SEM1: variants seen among roughly 807,000 people sequenced by gnomAD.
SEM1 encodes 26S proteasome complex subunit SEM1.
In SEM1, 3 loss-of-function variants were observed where a neutral mutation model predicts 12.7. That is an observed-to-expected ratio of 0.24 (90% CI 0.11 to 0.61). The LOEUF (loss-of-function observed/expected upper bound fraction) is 0.61. SEM1 is among the 20% of genes least tolerant of loss of function. The probability of loss-of-function intolerance (pLI) is 0.88; values close to 1 mark genes in which losing one functional copy is unlikely to be tolerated. For missense variants in SEM1, 59 were observed against 81.3 expected (o/e 0.73, Z 1.06); for synonymous variants, 30 against 27.8 (o/e 1.08, Z -0.25).
At chr7:96,624,146 A>G (rs961030887) in intron 2 of SEM1, among the ~76,000 whole-genome samples, 8 of 152,212 alleles carry the variant, frequency 5.3e-5, no homozygotes, top group Non-Finnish European at 8.8e-5. Context: ...GGGCATGGCT[A>G]TATGTTTTTG....
At chr7:96,678,266 A>C (rs935809803) in intron 2 of SEM1, among the ~76,000 whole-genome samples, 3 of 152,104 alleles carry the variant, frequency 2.0e-5, no homozygotes, top group Non-Finnish European at 2.9e-5. Flanking sequence ...CTTTGAGGTT[A>C]TTTCTTCATC....
chr7:96,658,048 C>T (rs78951810), intron 2 of SEM1, among the ~76,000 whole-genome samples: 2,404 of 152,242 alleles, frequency 0.016, 29 homozygotes, highest in Middle Eastern at 0.027. Context: ...GACGCAGCCA[C>T]CTTTAATGAT....
chr7:96,542,126 A>G (rs1360829567), intron 2 of SEM1, among the ~76,000 whole-genome samples: 1 of 151,320 alleles, frequency 6.6e-6, no homozygotes, highest in Non-Finnish European at 1.5e-5. Flanking sequence ...TTTTTTTTCT[A>G]ATTATGTGAA....
rs79492227 is a variant in SEM1 at position 96,492,759 on chromosome 7, A to G, written c.12+3525T>C. Among the ~76,000 whole-genome samples the G allele has an allele frequency of 8.5e-3, 1,214 of 142,990 alleles. 13 individuals carry two copies. Among genetic ancestry groups the G allele is most frequent in the African/African-American group, 0.031 (1,168 of 37,504 alleles). The allele number at this position is 142,990 out of a possible 152,430, so 93.8% of individuals were successfully genotyped here. A position where few individuals can be genotyped will look rare whatever the true frequency, so the allele number is the denominator to read the frequency against. ...TCCATTTTAAGGGTGAATAATATTC[A>G]TGTGTGTGTGTGTGTGTGTGTGTGT... On this transcript the variant is annotated intron_variant, in intron 1 of 3. Transcript: ENST00000356686.
intron 2 of SEM1, among the ~76,000 whole-genome samples, chr7:96,663,742 C>T (rs571949551): frequency 2.6e-4 from 40 of 152,272 alleles, no homozygotes; most frequent in South Asian, 1.7e-3. Flanking sequence ...AAAACAACCA[C>T]AGACTTGAAG....
chr7:96,598,026 T>C (rs1476207903), intron 2 of SEM1, among the ~76,000 whole-genome samples: 1 of 152,200 alleles, frequency 6.6e-6, no homozygotes, highest in Non-Finnish European at 1.5e-5. Context: ...CTCAGTCATT[T>C]TCATAGCTGC....
chr7:96,609,627 A>G (rs573486079), intron 2 of SEM1, among the ~76,000 whole-genome samples: 25 of 152,298 alleles, frequency 1.6e-4, no homozygotes, highest in African/African-American at 5.5e-4. Context: ...ATTATGATAC[A>G]GCATTTGACC....
chr7:96,708,109 T>C (rs1790526005), intron 1 of SEM1: 1 of 152,228 alleles, frequency 6.6e-6, no homozygotes, highest in South Asian at 2.1e-4. Context: ...TGAAGAATGC[T>C]ATTTGAAGTA....
At chr7:96,603,428 TGTCA>T (rs1807250909) in intron 2 of SEM1, among the ~76,000 whole-genome samples, 1 of 152,318 alleles carries the variant, frequency 6.6e-6, no homozygotes, top group Non-Finnish European at 1.5e-5. Context: ...AAGATGTGGC[TGTCA>T]GTCAGGACCT....
At chr7:96,683,604 C>G (rs1183634901) in intron 2 of SEM1, among the ~76,000 whole-genome samples, 1 of 152,136 alleles carries the variant, frequency 6.6e-6, no homozygotes, top group African/African-American at 2.4e-5. Flanking sequence ...CAGCACTGTT[C>G]ACAACAGCAA....
At chr7:96,647,358 A>G (rs1808827615) in intron 2 of SEM1, 1 of 152,244 alleles carries the variant, frequency 6.6e-6, no homozygotes, top group South Asian at 2.1e-4. Context: ...AATCTTAGCT[A>G]TAATTATTAT....
exon 3 of SEM1, chr7:96,673,663 T>A: frequency 1.4e-6 from 1 of 704,820 alleles, no homozygotes; most frequent in South Asian, 1.5e-5. Flanking sequence ...CATGCACATA[T>A]CCACATGACT....
intron 2 of SEM1, among the ~76,000 whole-genome samples, chr7:96,529,477 A>G (rs1804574898): frequency 6.6e-6 from 1 of 152,080 alleles, no homozygotes; most frequent in South Asian, 2.1e-4. Context: ...TCTAATTTTC[A>G]TCTCAAACTA....
intron 2 of SEM1, among the ~76,000 whole-genome samples, chr7:96,589,931 A>C (rs1399776042): frequency 1.3e-5 from 2 of 152,180 alleles, no homozygotes; most frequent in East Asian, 3.9e-4. Flanking sequence ...AAAATAACAA[A>C]TGCTAATTCA....
intron 2 of SEM1, among the ~76,000 whole-genome samples, chr7:96,552,804 C>T (rs1220054931): frequency 2.0e-5 from 3 of 151,918 alleles, no homozygotes; most frequent in Non-Finnish European, 1.5e-5. Flanking sequence ...AGTTTACAGT[C>T]CCACCAACAG....
downstream of SEM1, among the ~76,000 whole-genome samples, chr7:96,685,410 A>G (rs1269214238): frequency 1.3e-5 from 2 of 152,076 alleles, no homozygotes; most frequent in African/African-American, 4.8e-5. Flanking sequence ...AAAAACTTCT[A>G]CCATGGAGTA....
intron 1 of SEM1, among the ~76,000 whole-genome samples, chr7:96,702,074 G>A (rs1331572174): frequency 6.6e-6 from 1 of 152,106 alleles, no homozygotes; most frequent in Non-Finnish European, 1.5e-5. Flanking sequence ...GTTGGGGGCA[G>A]CAAAGATTGG....
In SEM1 at chr7:96,501,514, T is replaced by A. The variant is rs190037489; in HGVS notation, c.*60+5109A>T. Among the ~76,000 whole-genome samples the A allele has an allele frequency of 1.8e-4, 27 of 152,242 alleles. 1 individual carries two copies. Among genetic ancestry groups the A allele is most frequent in the African/African-American group, 6.5e-4 (27 of 41,566 alleles). ...TAATGAAGATTGTTCCACAAAGTTATTGAATTCAATGATGATAAGTACATG... is the reference window on the plus strand; with the variant it reads ...TAATGAAGATTGTTCCACAAAGTTAATGAATTCAATGATGATAAGTACATG... On this transcript the variant is annotated intron_variant and NMD_transcript_variant, in intron 3 of 3. Coordinates refer to the SEM1 transcript ENST00000466986.
At position 96,564,398 on chromosome 7, in the gene SEM1, T is replaced by C. The variant is rs550981459; in HGVS notation, c.171-57700A>G. 4.3e-4 allele frequency among the ~76,000 whole-genome samples: 66 copies of C among 152,062 alleles called. 1 individual carries two copies. Among genetic ancestry groups the C allele is most frequent in the African/African-American group, 1.5e-3 (62 of 41,528 alleles). On this transcript the variant is annotated intron_variant and NMD_transcript_variant, in intron 2 of 3. Coordinates refer to the SEM1 transcript ENST00000466986. ...AGCTGAAAACGTAAGATGGGATTTT[T>C]AGTTGGTGATGCCATCCAAAAAAAA...
Sources: allele counts gnomAD v4.1 joint callset (sites outside exome capture counted in the v4.1 genomes callset), GRCh38; gene constraint gnomAD v4.1.1; transcripts MANE v1.5; gene names NCBI Gene and HGNC (gene_info 2026-07-23, HGNC 2026-07-21).